Variants in ATL2 observed in about 807,000 individuals in gnomAD.
The protein encoded by ATL2 is atlastin GTPase 2.
In ATL2, 31 loss-of-function variants were observed where a neutral mutation model predicts 73.9. The ratio of observed to expected loss-of-function variants is 0.42; its 90% CI spans 0.32 to 0.57. The LOEUF is 0.57. Among genes scored for constraint, ATL2 ranks in the 20% least tolerant of loss-of-function variants. ATL2 has a pLI of 0.14. For missense variants in ATL2, 738 were observed against 702.6 expected, an observed-to-expected ratio of 1.05 and a Z score of -0.57; for synonymous variants, 291 against 237.5, an observed-to-expected ratio of 1.23 and a Z score of -2.07.
chr2:38,371,571 T>C (rs1036238391), intron 1 of ATL2, among the ~76,000 whole-genome samples: 1 of 150,494 alleles, frequency 6.6e-6, no homozygotes, highest in Non-Finnish European at 1.5e-5. Flanking sequence ...TATTAACCAC[T>C]GGGAAGGAAA....
chr2:38,368,725 G>A (rs1671494547), intron 1 of ATL2, among the ~76,000 whole-genome samples: 1 of 152,148 alleles, frequency 6.6e-6, no homozygotes, highest in South Asian at 2.1e-4. Context: ...TTTCCTGCAT[G>A]CAAACAGGCT....
chr2:38,329,423 C>CAAAAAAAAAAAAAAAAA (rs70954711), intron 2 of ATL2, among the ~76,000 whole-genome samples: 15 of 13,670 alleles, frequency 1.1e-3, no homozygotes, highest in East Asian at 2.2e-3. Flanking sequence ...ACTCCATCTC[C>CAAAAAAAAAAAAAAAAA]AAAAAAAAAA....
intron 4 of ATL2, among the ~76,000 whole-genome samples, chr2:38,315,935 C>T (rs1290064210): frequency 6.6e-6 from 1 of 152,074 alleles, no homozygotes; most frequent in Non-Finnish European, 1.5e-5. Context: ...GCACTCTTGC[C>T]CTTTCCAGAA....
intron 2 of ATL2, among the ~76,000 whole-genome samples, chr2:38,327,034 GT>G (rs751147023): frequency 6.7e-6 from 1 of 150,036 alleles, no homozygotes; most frequent in Non-Finnish European, 1.5e-5. Context: ...AGGAAATAGG[GT>G]GAAATGTTGA....
rs540065787 is a variant in ATL2, at chr2:38,339,037, G to A, written c.363+4231C>T. ...TTGAGACCAGCCTAGCCAACATGGT[G>A]AAACCCCATCTCTATTGAAAATACA... On this transcript the variant is annotated intron_variant, in intron 2 of 12. Transcript: ENST00000378954. Among the ~76,000 whole-genome samples the A allele has an allele frequency of 2.1e-4, 32 of 152,210 alleles. No individual in the cohort carries two copies. The East Asian group carries it at 5.6e-3, about 27-fold the overall frequency.
chr2:38,299,142 T>C (rs895015553), intron 11 of ATL2, 114 bp downstream of exon 11: 1 of 942,016 alleles, frequency 1.1e-6, no homozygotes, highest in Non-Finnish European at 1.5e-6. Flanking sequence ...TAGGGAATAA[T>C]GTACCATAAG....
At chr2:38,370,190 G>C (rs945216991) in intron 1 of ATL2, among the ~76,000 whole-genome samples, 8 of 148,704 alleles carry the variant, frequency 5.4e-5, no homozygotes, top group African/African-American at 2.0e-4. Context: ...ATCAAGACCG[G>C]GCGGTCGCTC....
chr2:38,370,057 G>C (rs954238334), intron 1 of ATL2, among the ~76,000 whole-genome samples: 7 of 149,414 alleles, frequency 4.7e-5, no homozygotes, highest in African/African-American at 1.7e-4. Context: ...GGGAGGCTCA[G>C]GCAGAAGAAT....
intron 1 of ATL2, among the ~76,000 whole-genome samples, chr2:38,361,718 T>C (rs2124469948): frequency 6.6e-6 from 1 of 152,372 alleles, no homozygotes; most frequent in South Asian, 2.1e-4. Flanking sequence ...CAATTGTTTT[T>C]AATGAAACAT....
At chr2:38,313,068 G>T in intron 7 of ATL2, 83 bp downstream of exon 7, 1 of 884,822 alleles carries the variant, frequency 1.1e-6, no homozygotes, top group East Asian at 2.5e-5. Flanking sequence ...GTAAATACTG[G>T]TAATGTGACC....
intron 1 of ATL2, among the ~76,000 whole-genome samples, chr2:38,345,557 A>G (rs1669970246): frequency 6.6e-6 from 1 of 152,214 alleles, no homozygotes; most frequent in East Asian, 1.9e-4. Flanking sequence ...AGAATCTTTG[A>G]AAGTAAAAGC....
intron 2 of ATL2, among the ~76,000 whole-genome samples, chr2:38,321,489 G>A (rs747277604): frequency 3.3e-5 from 5 of 152,100 alleles, no homozygotes; most frequent in Middle Eastern, 3.4e-3. Context: ...GACACTCCCC[G>A]GACAAGTAAA....
chr2:38,348,480 T>A (rs1433464713), intron 1 of ATL2, among the ~76,000 whole-genome samples: 1 of 150,656 alleles, frequency 6.6e-6, no homozygotes, highest in East Asian at 1.9e-4. Flanking sequence ...AAAAAAAAAA[T>A]TATGAACCAA....
At position 38,377,185 on chromosome 2, in the gene ATL2, G is replaced by T. The variant is rs766351388; in HGVS notation, c.76C>A (p.Pro26Thr). The change falls in exon 1 of 13, where the codon CCA (proline) becomes ACA (threonine). Residue 26 changes from proline to threonine, a missense_variant. Physicochemically the swap from Pro to Thr is conservative, Grantham distance 38. Transcript: ENST00000378954. ...GLWRRRRTSD[P>T]SAAVNHVSST... ...GAGACGTGGTTAACCGCGGCGCTTG[G>T]GTCGCTGGTCCGTCGCCGGCGCCAC... 1 of 1,610,774 alleles carries T rather than the reference G, an allele frequency of 6.2e-7. No homozygotes were observed. Among genetic ancestry groups the T allele is most frequent in the Non-Finnish European group, 8.5e-7 (1 of 1,179,332 alleles).
At chr2:38,375,915 G>A (rs1414692549) in intron 1 of ATL2, among the ~76,000 whole-genome samples, 2 of 152,082 alleles carry the variant, frequency 1.3e-5, no homozygotes. Context: ...CATCACCTCT[G>A]ACATGCGCCA....
intron 2 of ATL2, among the ~76,000 whole-genome samples, chr2:38,331,775 CAAAT>C (rs886380012): frequency 2.0e-4 from 30 of 151,750 alleles, no homozygotes; most frequent in African/African-American, 7.0e-4. Flanking sequence ...GGTGCTGGGA[CAAAT>C]AGATACATAA....
intron 2 of ATL2, among the ~76,000 whole-genome samples, chr2:38,324,209 C>T (rs866456259): frequency 1.3e-5 from 2 of 152,238 alleles, no homozygotes; most frequent in Non-Finnish European, 1.5e-5. Flanking sequence ...ACCCGGGAGG[C>T]GGAGGATGCG....
intron 2 of ATL2, among the ~76,000 whole-genome samples, chr2:38,333,396 T>C (rs1669117131): frequency 6.6e-6 from 1 of 152,134 alleles, no homozygotes; most frequent in Non-Finnish European, 1.5e-5. Flanking sequence ...AAAAAAAGTC[T>C]CCTCCAAAAA....
chr2:38,299,259 T>C lies in ATL2; in HGVS notation c.1197A>G (p.Glu399=). The C allele has an allele frequency of 6.6e-7, 1 of 1,518,976 alleles. No individual in the cohort carries two copies. The highest frequency in any genetic ancestry group is 8.7e-7 in the Non-Finnish European group (1 of 1,144,384). 94.1% of individuals were successfully genotyped at this position (1,518,976 alleles called of 1,614,324 possible). ...AATTTAAATTTTAGGTACAAACCTG[T>C]TCCATACTTTTACAATAGGTATCTC... is the stretch of plus-strand genomic sequence containing the variant. ...GARDTYCKSM[E]QVCGGDKPYI... is the part of the protein sequence containing the mutation. The change falls in exon 11 of 13, where the codon GAA becomes GAG. Residue 399 remains glutamate, a synonymous_variant. Coordinates refer to ENST00000378954, the MANE Select transcript of ATL2 (RefSeq NM_001135673.4).
Sources: gnomAD v4.1 joint callset for allele counts (sites outside exome capture counted in the v4.1 genomes callset) on GRCh38, gnomAD v4.1.1 for gene constraint, MANE v1.5 for transcripts, NCBI Gene and HGNC (gene_info 2026-07-23, HGNC 2026-07-21) for gene names.